Variants in CSMD1 observed in about 807,000 individuals in gnomAD.
CSMD1 encodes the protein CUB and sushi domain-containing protein 1.
CSMD1 carries 213 observed loss-of-function variants against 417.5 expected under a neutral mutation model. The ratio of observed to expected loss-of-function variants is 0.51; its 90% CI spans 0.46 to 0.57. The LOEUF is 0.57. CSMD1 is among the 20% of genes least tolerant of loss of function. The pLI is 0.00. For synonymous variants in CSMD1, 2,862 were observed against 1,736.8 expected (o/e 1.65, Z -16.11); for missense variants, 6,923 against 4,529.7 (o/e 1.53, Z -15.17).
At chr8:4,271,381 G>C (rs531470124) in intron 3 of CSMD1, among the ~76,000 whole-genome samples, 11 of 152,160 alleles carry the variant, frequency 7.2e-5, no homozygotes, top group African/African-American at 2.4e-4. Flanking sequence ...ATAAATAAAA[G>C]TTTAAAAAAT....
At chr8:4,526,433 T>G (rs1310256533) in intron 2 of CSMD1, among the ~76,000 whole-genome samples, 1 of 152,208 alleles carries the variant, frequency 6.6e-6, no homozygotes, top group Non-Finnish European at 1.5e-5. Context: ...TGCCTAGTAC[T>G]AAAAAACTAT....
chr8:4,424,071 A>T (rs1300480107), intron 2 of CSMD1, among the ~76,000 whole-genome samples: 1 of 152,056 alleles, frequency 6.6e-6, no homozygotes, highest in Non-Finnish European at 1.5e-5. Flanking sequence ...TATAAATGTA[A>T]AATGTAAAGC....
chr8:2,943,718 G>T (rs1240221787), intron 68 of CSMD1, among the ~76,000 whole-genome samples: 1 of 152,162 alleles, frequency 6.6e-6, no homozygotes, highest in East Asian at 1.9e-4. Flanking sequence ...TTTGAAGAGT[G>T]TACTAATAAA....
intron 8 of CSMD1, chr8:3,598,398 C>G (rs773130522): frequency 3.3e-5 from 5 of 152,188 alleles, no homozygotes; most frequent in Admixed American, 6.5e-5. Context: ...ACGTCAGTCT[C>G]TAGGAGAGAA....
At chr8:4,222,082 T>C (rs1473542540) in intron 3 of CSMD1, among the ~76,000 whole-genome samples, 1 of 144,416 alleles carries the variant, frequency 6.9e-6, no homozygotes, top group East Asian at 2.1e-4. Context: ...GAAAAGCCAT[T>C]AGTGGAAGAA....
intron 46 of CSMD1, among the ~76,000 whole-genome samples, chr8:3,098,169 G>T (rs985030632): frequency 6.6e-6 from 1 of 152,146 alleles, no homozygotes; most frequent in Non-Finnish European, 1.5e-5. Flanking sequence ...AATAAAAAAT[G>T]TATATCAAAA....
At chr8:4,135,053 C>A (rs552535257) in intron 3 of CSMD1, among the ~76,000 whole-genome samples, 1 of 152,198 alleles carries the variant, frequency 6.6e-6, no homozygotes, top group African/African-American at 2.4e-5. Flanking sequence ...TTCTTAAACT[C>A]TTAGCACAGT....
intron 50 of CSMD1, among the ~76,000 whole-genome samples, chr8:3,043,123 T>A (rs553721743): frequency 6.6e-6 from 1 of 150,604 alleles, no homozygotes; most frequent in South Asian, 2.1e-4. Flanking sequence ...GTGATATATA[T>A]ATAGTACATA....
intron 3 of CSMD1, among the ~76,000 whole-genome samples, chr8:4,156,181 A>G (rs1015180737): frequency 6.6e-6 from 1 of 152,156 alleles, no homozygotes; most frequent in African/African-American, 2.4e-5. Flanking sequence ...GGGTGTGGGA[A>G]CAAGGTTTCA....
chr8:3,067,250 C>T (rs139874417), intron 49 of CSMD1, among the ~76,000 whole-genome samples: 334 of 152,210 alleles, frequency 2.2e-3, no homozygotes, highest in African/African-American at 7.8e-3. Context: ...CTTATCGTGA[C>T]GTTTTTCCAC....
chr8:3,567,697 T>C (rs1290372797), intron 10 of CSMD1, among the ~76,000 whole-genome samples: 1 of 152,092 alleles, frequency 6.6e-6, no homozygotes, highest in East Asian at 1.9e-4. Flanking sequence ...GAAAGACTGG[T>C]TATTTCCCCT....
At chr8:3,017,354 G>C (rs998719230) in intron 52 of CSMD1, among the ~76,000 whole-genome samples, 1 of 152,168 alleles carries the variant, frequency 6.6e-6, no homozygotes, top group African/African-American at 2.4e-5. Flanking sequence ...AGAAGGACTT[G>C]TGACTCTCTA....
chr8:2,966,785 G>C, intron 57 of CSMD1, 39 bp from the exon 58 acceptor site: 1 of 1,594,248 alleles, frequency 6.3e-7, no homozygotes. Context: ...CACAGTGAGT[G>C]ACCCAGCATG....
chr8:3,741,545 A>G (rs1796804353), intron 6 of CSMD1, among the ~76,000 whole-genome samples: 1 of 152,204 alleles, frequency 6.6e-6, no homozygotes, highest in Admixed American at 6.5e-5. Flanking sequence ...ATTTATTTCT[A>G]TCCATTTATG....
chr8:3,259,593 T>C (rs4433167), intron 26 of CSMD1, among the ~76,000 whole-genome samples: 114,280 of 151,630 alleles, frequency 0.75, 44,140 homozygotes, highest in Non-Finnish European at 0.85. Context: ...AAACATGATG[T>C]GTCTTTTCTC....
intron 2 of CSMD1, among the ~76,000 whole-genome samples, chr8:4,473,459 T>G (rs1800641939): frequency 6.6e-6 from 1 of 152,180 alleles, no homozygotes; most frequent in Admixed American, 6.5e-5. Context: ...AGCAAGGATT[T>G]CACAAAGTAA....
intron 6 of CSMD1, among the ~76,000 whole-genome samples, chr8:3,720,109 G>A (rs553664761): frequency 1.1e-4 from 17 of 152,314 alleles, no homozygotes; most frequent in Admixed American, 5.9e-4. Context: ...TACATTCAAC[G>A]TGGAATGTTA....
intron 37 of CSMD1, among the ~76,000 whole-genome samples, chr8:3,179,287 A>G (rs1342070040): frequency 2.0e-5 from 3 of 152,220 alleles, no homozygotes; most frequent in Non-Finnish European, 4.4e-5. Context: ...ATAGGAACAG[A>G]GAAATGAGTT....
At chr8:4,694,344 C>T (rs568892756) in intron 1 of CSMD1, among the ~76,000 whole-genome samples, 1 of 151,864 alleles carries the variant, frequency 6.6e-6, no homozygotes, top group South Asian at 2.1e-4. Flanking sequence ...CAAAGTACTT[C>T]TTTTTTTTAT....
Sources: gnomAD v4.1 joint callset for allele counts (sites outside exome capture counted in the v4.1 genomes callset) on GRCh38, gnomAD v4.1.1 for gene constraint, MANE v1.5 for transcripts, NCBI Gene and HGNC (gene_info 2026-07-23, HGNC 2026-07-21) for gene names.